TBX18: variants seen among roughly 807,000 people sequenced by gnomAD.
TBX18 encodes T-box transcription factor TBX18.
A neutral mutation model predicts 55.0 loss-of-function variants in TBX18; 21 were observed. The ratio of observed to expected loss-of-function variants is 0.38; its 90% CI spans 0.27 to 0.55. TBX18 has a LOEUF of 0.55. Among genes scored for constraint, TBX18 ranks in the 20% least tolerant of loss-of-function variants. The pLI, the probability that TBX18 is intolerant of heterozygous loss-of-function variation, is 0.73. For missense variants in TBX18, 840 were observed against 799.6 expected (o/e 1.05, Z -0.61); for synonymous variants, 342 against 326.1 (o/e 1.05, Z -0.53).
At position 84,733,914 on chromosome 6, in the gene TBX18, C is replaced by T. The variant is rs1773870241; in HGVS notation, c.*2771G>A. On this transcript the variant is annotated 3_prime_UTR_variant, in exon 8 of 8. Transcript: ENST00000369663. ...TGCCCCAACCTTCTCTGGGGGCCAC[C>T]AAGGATTCCTGACCCCTTACATTCC... The T allele has an allele frequency of 6.6e-6, 1 of 152,130 alleles. No homozygotes were observed. The highest frequency in any genetic ancestry group is 2.4e-5 in the African/African-American group (1 of 41,428). The allele number at this position is 152,130 out of a possible 1,614,324, so 9.4% of individuals were successfully genotyped here.
chr6:84,761,051 A>T (rs1226322061), intron 2 of TBX18, among the ~76,000 whole-genome samples: 2 of 152,234 alleles, frequency 1.3e-5, no homozygotes, highest in African/African-American at 2.4e-5. Context: ...GAAAATTTGC[A>T]TTTATCCTGG....
chr6:84,763,689 C>T (rs950025113), intron 1 of TBX18, among the ~76,000 whole-genome samples: 2 of 151,974 alleles, frequency 1.3e-5, no homozygotes, highest in Non-Finnish European at 2.9e-5. Context: ...CGGCCGCCCG[C>T]GAGGCGAGCC....
Position 84,733,636 on chromosome 6 carries a change from C to T in TBX18, c.*3049G>A, listed in dbSNP as rs530834001. ...TTAGTTAGGGATCTCTCTTCTTGCA[C>T]CTTCTCCTTCCCATACAAATCTTCC... On this transcript the variant is annotated 3_prime_UTR_variant, in exon 8 of 8. Coordinates refer to ENST00000369663, the MANE Select transcript of TBX18 (RefSeq NM_001080508.3). 9.1e-4 allele frequency: 139 copies of T among 152,266 alleles called. No individual in the cohort carries two copies. The highest frequency in any genetic ancestry group is 3.2e-3 in the African/African-American group (134 of 41,558). The allele number at this position is 152,266 out of a possible 1,614,324, so 9.4% of individuals were successfully genotyped here.
rs962942996 is a variant in TBX18 at position 84,736,510 on chromosome 6, T to C, written c.*175A>G. On this transcript the variant is annotated 3_prime_UTR_variant, in exon 8 of 8. Coordinates refer to ENST00000369663, the MANE Select transcript of TBX18 (RefSeq NM_001080508.3). The stretch of plus-strand genomic sequence containing the variant: ...GTGCTATGTATATACAGCATACATA[T>C]ATACCATAGATAATTACAATCTCAC... 1.4e-5 allele frequency: 9 copies of C among 658,098 alleles called. No individual in the cohort carries two copies. In the Admixed American group the frequency reaches 2.2e-4, roughly 16 times the overall value. 40.8% of individuals were successfully genotyped at this position (658,098 alleles called of 1,614,324 possible).
rs183705702 is a variant in TBX18, at chr6:84,739,751, C to T, written c.1005-1160G>A. Among the ~76,000 whole-genome samples, 43 of 152,296 alleles carry T rather than the reference C, an allele frequency of 2.8e-4. 1 individual carries two copies. In the South Asian group the frequency reaches 7.1e-3, roughly 25 times the overall value. ...AAACTAAGACTAGAGGAATCCACCC[C>T]AGAGAGTCATACCACATACACAATA... On this transcript the variant is annotated intron_variant, in intron 6 of 7. Coordinates refer to ENST00000369663, the MANE Select transcript of TBX18 (RefSeq NM_001080508.3).
Position 84,735,721 on chromosome 6 carries a change from T to G in TBX18, c.*964A>C, listed in dbSNP as rs2127869938. On this transcript the variant is annotated 3_prime_UTR_variant, in exon 8 of 8. Coordinates refer to ENST00000369663, the MANE Select transcript of TBX18 (RefSeq NM_001080508.3). ...GCTCAGAGCAAGATGGAAAAAATATTCTAAATTTAAAAACAAACTATACAA... is the reference window on the plus strand; with the variant it reads ...GCTCAGAGCAAGATGGAAAAAATATGCTAAATTTAAAAACAAACTATACAA... The G allele has an allele frequency of 6.6e-6, 1 of 152,294 alleles. No homozygotes were observed. The highest frequency in any genetic ancestry group is 1.9e-4 in the East Asian group (1 of 5,190). The allele number at this position is 152,294 out of a possible 1,614,324, so 9.4% of individuals were successfully genotyped here. A position where few individuals can be genotyped will look rare whatever the true frequency, so the allele number is the denominator to read the frequency against.
chr6:84,755,014 T>A (rs925847584), intron 4 of TBX18, among the ~76,000 whole-genome samples: 1 of 152,156 alleles, frequency 6.6e-6, no homozygotes, highest in African/African-American at 2.4e-5. Context: ...TCTGTTTTTC[T>A]CTCTTTCTTT....
At chr6:84,739,856 A>G (rs539144660) in intron 6 of TBX18, among the ~76,000 whole-genome samples, 2 of 152,194 alleles carry the variant, frequency 1.3e-5, no homozygotes, top group African/African-American at 2.4e-5. Flanking sequence ...ATCTGTTCCA[A>G]GGCTTCACAC....
intron 3 of TBX18, among the ~76,000 whole-genome samples, chr6:84,757,714 A>T (rs1191918548): frequency 2.0e-5 from 3 of 152,014 alleles, no homozygotes; most frequent in African/African-American, 7.2e-5. Flanking sequence ...ACATTTGAAT[A>T]ACAATGCCTC....
In TBX18 at chr6:84,764,127, C is replaced by G. The variant is rs776741987; in HGVS notation, c.55G>C (p.Ala19Pro). 3.2e-6 allele frequency: 5 copies of G among 1,580,684 alleles called. No individual in the cohort carries two copies. The East Asian group carries it at 9.1e-5, about 29-fold the overall frequency. Residue 19 changes from alanine (A) to proline (P), a missense_variant, in exon 1 of 8, where the codon GCT (alanine) becomes CCT (proline). Ala to Pro is a conservative substitution (Grantham distance 27). Transcript: ENST00000369663. Reference protein sequence around the residue: ...PCSMLSLKAHAFSVEALIGAE... With the variant: ...PCSMLSLKAHPFSVEALIGAE... ...CCGATCAGCGCCTCCACCGAGAAAG[C>G]GTGCGCCTTGAGGCTTAGCATGCTG...
intron 3 of TBX18, 75 bp from the exon 4 acceptor site, chr6:84,756,944 T>C: frequency 1.5e-6 from 2 of 1,338,350 alleles, no homozygotes; most frequent in South Asian, 2.8e-5. Context: ...TCAGACAAAA[T>C]GTGTGCCTAT....
rs1428133518 is a variant in TBX18, at chr6:84,764,453, ACCT to A, written c.-275_-273del. 2.5e-5 allele frequency: 10 copies of A among 396,874 alleles called. No individual in the cohort carries two copies. Among genetic ancestry groups the A allele is most frequent in the Non-Finnish European group, 4.0e-5 (9 of 226,228 alleles). The allele number at this position is 396,874 out of a possible 1,614,324, so 24.6% of individuals were successfully genotyped here. On this transcript the variant is annotated 5_prime_UTR_variant, in exon 1 of 8. Coordinates refer to ENST00000369663, the MANE Select transcript of TBX18 (RefSeq NM_001080508.3). ...GCACTCCTTTGCTCCCACCCCTTCC[ACCT>A]CCTCCTGCTGCTCCGAGGTCTGCCT...
At chr6:84,738,326 G>A (rs578032914) in intron 7 of TBX18, among the ~76,000 whole-genome samples, 171 bp downstream of exon 7, 2 of 152,140 alleles carry the variant, frequency 1.3e-5, no homozygotes, top group African/African-American at 2.4e-5. Flanking sequence ...CATGAGAGCC[G>A]TTTTTTCCTG....
intron 5 of TBX18, among the ~76,000 whole-genome samples, chr6:84,747,025 A>G (rs923422259): frequency 1.3e-5 from 2 of 152,124 alleles, no homozygotes; most frequent in African/African-American, 2.4e-5. Flanking sequence ...TGAGCCTCTC[A>G]GCCCAAAGAA....
intron 3 of TBX18, among the ~76,000 whole-genome samples, chr6:84,758,462 G>A (rs1413012939): frequency 4.0e-5 from 6 of 151,288 alleles, no homozygotes; most frequent in South Asian, 2.1e-4. Flanking sequence ...TAAGTGGTAT[G>A]ATGTAATTTC....
intron 3 of TBX18, among the ~76,000 whole-genome samples, chr6:84,757,696 A>G (rs902183224): frequency 6.6e-6 from 1 of 152,044 alleles, no homozygotes; most frequent in Non-Finnish European, 1.5e-5. Context: ...TGACTCAGTA[A>G]GAATAATACA....
chr6:84,746,482 T>C (rs1287545174), intron 5 of TBX18, among the ~76,000 whole-genome samples: 2 of 146,838 alleles, frequency 1.4e-5, no homozygotes, highest in Non-Finnish European at 3.0e-5. Context: ...CAGTATATTA[T>C]ACTATTTATA....
In TBX18 at chr6:84,756,792, G is replaced by A; in HGVS notation, c.677C>T (p.Pro226Leu). 1.2e-6 allele frequency: 2 copies of A among 1,614,102 alleles called. No individual in the cohort carries two copies. The highest frequency in any genetic ancestry group is 1.7e-6 in the Non-Finnish European group (2 of 1,180,010). Residue 226 changes from proline (P) to leucine (L), a missense_variant, in exon 4 of 8, where the codon CCA (proline) becomes CTA (leucine). By Grantham distance (98) the Pro-to-Leu change is moderately conservative. Coordinates refer to ENST00000369663, the MANE Select transcript of TBX18 (RefSeq NM_001080508.3). ...AGTCTCCCCCGAGGCAGGCGAGTCT[G>A]GATGAATGTACACACGGGGTGGCAC... Reference protein sequence around the residue: ...SPVPPRVYIHPDSPASGETWM... With the variant: ...SPVPPRVYIHLDSPASGETWM...
intron 4 of TBX18, among the ~76,000 whole-genome samples, chr6:84,750,191 A>G (rs1373798191): frequency 6.6e-6 from 1 of 150,830 alleles, no homozygotes; most frequent in East Asian, 2.0e-4. Flanking sequence ...AAGCTGAGGC[A>G]GGAGGATAGC....
Sources: gnomAD v4.1 joint callset for allele counts (sites outside exome capture counted in the v4.1 genomes callset) on GRCh38, gnomAD v4.1.1 for gene constraint, MANE v1.5 for transcripts, NCBI Gene and HGNC (gene_info 2026-07-23, HGNC 2026-07-21) for gene names.